Variants in NREP observed in about 807,000 individuals in gnomAD.
The protein encoded by NREP is neuronal regeneration-related protein.
In NREP, 5 loss-of-function variants were observed where a neutral mutation model predicts 8.6. That is an observed-to-expected ratio of 0.58 (90% CI 0.30 to 1.22). NREP has a LOEUF of 1.22. Ranked by LOEUF, NREP falls within the 50% of genes most tolerant of loss-of-function variation. The pLI is 0.07. For missense variants in NREP, 86 were observed against 82.5 expected (o/e 1.04, Z -0.17); for synonymous variants, 27 against 28.0 (o/e 0.96, Z 0.11).
At chr5:111,781,191 A>G (rs1751485342) in intron 2 of NREP, among the ~76,000 whole-genome samples, 1 of 152,042 alleles carries the variant, frequency 6.6e-6, no homozygotes, top group Non-Finnish European at 1.5e-5. Flanking sequence ...TGAACCTTGT[A>G]GATCTTTGTA....
chr5:111,957,057 A>G (rs538934356), intron 2 of NREP, among the ~76,000 whole-genome samples: 3 of 152,064 alleles, frequency 2.0e-5, no homozygotes, highest in Admixed American at 2.0e-4. Flanking sequence ...TTAAAGTTAT[A>G]GAGAAATATT....
intron 2 of NREP, among the ~76,000 whole-genome samples, chr5:111,880,895 C>T (rs916145444): frequency 4.0e-5 from 6 of 151,598 alleles, no homozygotes; most frequent in African/African-American, 7.3e-5. Flanking sequence ...CCAGCGTGAG[C>T]AACGCAGAAG....
chr5:111,947,714 C>T (rs1349438693), intron 2 of NREP, among the ~76,000 whole-genome samples: 1 of 152,028 alleles, frequency 6.6e-6, no homozygotes, highest in Non-Finnish European at 1.5e-5. Context: ...CTTCCTCCTT[C>T]TAAGAGGTGA....
intron 2 of NREP, among the ~76,000 whole-genome samples, chr5:111,737,715 T>TAAAAAA (rs554103997): frequency 8.4e-6 from 1 of 119,656 alleles, no homozygotes. Flanking sequence ...CTCCATTTGC[T>TAAAAAA]AAAAAAAAAA....
chr5:111,868,686 C>CT (rs1439373276), intron 2 of NREP, among the ~76,000 whole-genome samples: 1 of 152,210 alleles, frequency 6.6e-6, no homozygotes, highest in African/African-American at 2.4e-5. Context: ...CACCTGTCAG[C>CT]TGCCTGACCC....
chr5:111,736,077 T>C (rs1749084538), intron 2 of NREP, among the ~76,000 whole-genome samples: 1 of 152,104 alleles, frequency 6.6e-6, no homozygotes, highest in Non-Finnish European at 1.5e-5. Context: ...GAATACTAGC[T>C]GATGAATTCG....
chr5:111,904,638 C>G lies in NREP; in HGVS notation c.135+70636G>C, dbSNP rs1581206245. Among the ~76,000 whole-genome samples the G allele has an allele frequency of 2.0e-5, 3 of 152,146 alleles. 1 individual carries two copies. In the South Asian group the frequency reaches 6.2e-4, roughly 32 times the overall value. ...TCATATTCCATTGTATGTGAAAGAG[C>G]CCCAGGAACTTCATCATAAAATGTG... On this transcript the variant is annotated intron_variant, in intron 2 of 3. Transcript: ENST00000395634.
chr5:111,807,053 G>C (rs765144594), intron 2 of NREP, among the ~76,000 whole-genome samples: 36 of 151,852 alleles, frequency 2.4e-4, no homozygotes, highest in Non-Finnish European at 4.6e-4. Flanking sequence ...AAAAAATGTG[G>C]GCTGGCAAAT....
intron 2 of NREP, among the ~76,000 whole-genome samples, chr5:111,928,294 T>C (rs571748593): frequency 3.3e-5 from 5 of 152,324 alleles, no homozygotes; most frequent in South Asian, 2.1e-4. Flanking sequence ...ATAGAGATGC[T>C]TTAAATATAT....
chr5:111,921,055 G>C (rs1364890355), intron 2 of NREP, among the ~76,000 whole-genome samples: 1 of 152,136 alleles, frequency 6.6e-6, no homozygotes, highest in Non-Finnish European at 1.5e-5. Context: ...CTCTTGGGCT[G>C]CTTTTTGTCA....
At chr5:111,845,755 A>G (rs1753147326) in intron 2 of NREP, among the ~76,000 whole-genome samples, 2 of 152,096 alleles carry the variant, frequency 1.3e-5, no homozygotes, top group Non-Finnish European at 1.5e-5. Context: ...CAAAATTACT[A>G]GGAAAACAGG....
Position 111,863,692 on chromosome 5 carries a change from C to A in NREP, c.135+111582G>T, listed in dbSNP as rs530006709. Among the ~76,000 whole-genome samples, 3 of 152,164 alleles carry A rather than the reference C, an allele frequency of 2.0e-5. No homozygotes were observed. The East Asian group carries it at 5.8e-4, about 29-fold the overall frequency. ...AAGGTAAAGTAAGTACTTTAATAAG[C>A]AATCATAATTAATGTCAAGTAGTGA... On this transcript the variant is annotated intron_variant, in intron 2 of 3. Transcript: ENST00000395634.
At chr5:111,750,490 A>G (rs1750292404) in intron 2 of NREP, among the ~76,000 whole-genome samples, 1 of 152,192 alleles carries the variant, frequency 6.6e-6, no homozygotes, top group African/African-American at 2.4e-5. Flanking sequence ...TTGATTAGCA[A>G]TGTCTCCCAC....
rs867458799 is a variant in NREP, at chr5:111,750,649, T to G, written c.3+5121A>C. 5.3e-5 allele frequency among the ~76,000 whole-genome samples: 8 copies of G among 152,318 alleles called. No individual in the cohort carries two copies. In the South Asian group the frequency reaches 1.7e-3, roughly 32 times the overall value. The stretch of plus-strand genomic sequence containing the variant: ...TACCATTTAGCACTAGATTATATTG[T>G]TTTACATTGTTAAGTTTGCTGCACA... On this transcript the variant is annotated intron_variant, in intron 2 of 3. Transcript: ENST00000257435.
chr5:111,910,495 C>A lies in NREP; in HGVS notation c.135+64779G>T, dbSNP rs79188347. 6.8e-3 allele frequency among the ~76,000 whole-genome samples: 1,033 copies of A among 151,990 alleles called. 11 individuals are homozygous for A. Among genetic ancestry groups the A allele is most frequent in the African/African-American group, 0.024 (988 of 41,458 alleles). On this transcript the variant is annotated intron_variant, in intron 2 of 3. Transcript: ENST00000395634. ...TTAAGAATGGAATAACTTAGAAAGA[C>A]CCACATATTTATAATGGTTTTCTTC... is the stretch of plus-strand genomic sequence containing the variant.
chr5:111,744,500 C>G (rs1351962008), intron 2 of NREP, among the ~76,000 whole-genome samples: 1 of 152,020 alleles, frequency 6.6e-6, no homozygotes, highest in Admixed American at 6.5e-5. Context: ...AAAGAAGCCA[C>G]TAAGAGGCTT....
intron 2 of NREP, among the ~76,000 whole-genome samples, chr5:111,950,144 G>A (rs1257225578): frequency 1.3e-5 from 2 of 151,980 alleles, no homozygotes; most frequent in African/African-American, 2.4e-5. Context: ...GAGATGGTGG[G>A]TGTCTCACTG....
intron 2 of NREP, among the ~76,000 whole-genome samples, chr5:111,806,617 T>G (rs1394645056): frequency 6.6e-6 from 1 of 152,156 alleles, no homozygotes; most frequent in African/African-American, 2.4e-5. Context: ...TAGCCTAGAT[T>G]TATTGATCAA....
upstream of NREP, among the ~76,000 whole-genome samples, chr5:111,761,484 A>G (rs74791819): frequency 0.047 from 7,173 of 152,224 alleles, 264 homozygotes; most frequent in East Asian, 0.22. Flanking sequence ...TGAACTGCTG[A>G]TCTCATTTAG....
Sources: allele counts gnomAD v4.1 joint callset (sites outside exome capture counted in the v4.1 genomes callset), GRCh38; gene constraint gnomAD v4.1.1; transcripts MANE v1.5; gene names NCBI Gene and HGNC (gene_info 2026-07-23, HGNC 2026-07-21).